FBN3: variants seen among roughly 807,000 people sequenced by gnomAD.
FBN3 encodes fibrillin 3, also known as fibrillin-3.
FBN3 carries 234 observed loss-of-function variants against 330.1 expected under a neutral mutation model. The ratio of observed to expected loss-of-function variants is 0.71; its 90% CI spans 0.64 to 0.79. FBN3 has a LOEUF of 0.79. FBN3 is among the 30% of genes least tolerant of loss of function. FBN3 has a pLI of 0.00. For missense variants in FBN3, 3,606 were observed against 3,886.9 expected (o/e 0.93, Z 1.92); for synonymous variants, 1,458 against 1,517.3 (o/e 0.96, Z 0.91).
intron 47 of FBN3, 124 bp downstream of exon 47, chr19:8,094,322 T>C: frequency 1.0e-6 from 1 of 1,001,704 alleles, no homozygotes; most frequent in Non-Finnish European, 1.4e-6. Context: ...TATGAAGCTG[T>C]GTTTGACGCT....
chr19:8,118,094 T>G (rs1330380742), intron 26 of FBN3, among the ~76,000 whole-genome samples: 1 of 150,740 alleles, frequency 6.6e-6, no homozygotes, highest in East Asian at 2.0e-4. Flanking sequence ...GACACACACA[T>G]AAACACACCC....
At chr19:8,084,407 C>T (rs1038551346) in intron 56 of FBN3, among the ~76,000 whole-genome samples, 1 of 151,874 alleles carries the variant, frequency 6.6e-6, no homozygotes, top group Non-Finnish European at 1.5e-5. Flanking sequence ...CGCGGTGGCT[C>T]ATGCCTGTAA....
At chr19:8,137,073 C>G (rs1318071155) in intron 10 of FBN3, among the ~76,000 whole-genome samples, 8 of 151,432 alleles carry the variant, frequency 5.3e-5, no homozygotes, top group Admixed American at 5.3e-4. Context: ...ATCCCTCCAA[C>G]CTGGGGCCTA....
At chr19:8,105,197 C>G (rs531673179) in intron 38 of FBN3, among the ~76,000 whole-genome samples, 18 of 152,022 alleles carry the variant, frequency 1.2e-4, no homozygotes, top group African/African-American at 4.3e-4. Flanking sequence ...TCGTGATCTG[C>G]CCACCTCGGC....
chr19:8,068,176 G>A (rs1000010403), intron 63 of FBN3, among the ~76,000 whole-genome samples: 4 of 151,680 alleles, frequency 2.6e-5, no homozygotes, highest in African/African-American at 9.7e-5. Flanking sequence ...CACGAGGTCA[G>A]GAGATTGAGA....
At chr19:8,103,712 G>C (rs1568399372) in intron 38 of FBN3, 25 bp from the exon 39 acceptor site, 4 of 1,607,882 alleles carry the variant, frequency 2.5e-6, no homozygotes, top group Non-Finnish European at 2.6e-6. Context: ...GGGGTGGAGG[G>C]GAACAGTGGG....
chr19:8,085,430 G>C lies in FBN3; in HGVS notation c.7020C>G (p.Pro2340=). The C allele has an allele frequency of 1.3e-6, 2 of 1,579,918 alleles. No individual in the cohort carries two copies. The highest frequency in any genetic ancestry group is 3.7e-5 in the Admixed American group (2 of 53,552). Residue 2340 remains proline, a synonymous_variant, in exon 56 of 64, where the codon CCC becomes CCG. Coordinates refer to ENST00000600128, the MANE Select transcript of FBN3 (RefSeq NM_032447.5). The part of the protein sequence containing the change: ...RGWGPRCELC[P]LPGTSAYRKL... ...TCCTGTAGGCAGAGGTGCCGGGCAG[G>C]GGACAGAGCTCGCAGCGGGGCCCCC...
At chr19:8,135,930 GC>G in intron 13 of FBN3, 30 bp downstream of exon 13, 1 of 1,168,708 alleles carries the variant, frequency 8.6e-7, no homozygotes. Context: ...GGGCCCGGAA[GC>G]CCCTGCCCAC....
chr19:8,130,636 GAAA>G (rs750442590), intron 16 of FBN3, among the ~76,000 whole-genome samples: 56 of 3,298 alleles, frequency 0.017, 8 homozygotes, highest in Non-Finnish European at 0.031. Context: ...AAGAAAGAAA[GAAA>G]GAAAGGAAAG....
intron 13 of FBN3, 25 bp downstream of exon 13, chr19:8,135,936 G>GGGGGGGGGCCCCC: frequency 3.0e-6 from 2 of 668,772 alleles, no homozygotes; most frequent in Non-Finnish European, 4.8e-6. Context: ...GGAAGCCCCT[G>GGGGGGGGGCCCCC]CCCACCCGCC....
At chr19:8,105,532 A>T (rs895457706) in intron 38 of FBN3, among the ~76,000 whole-genome samples, 1 of 152,208 alleles carries the variant, frequency 6.6e-6, no homozygotes, top group Non-Finnish European at 1.5e-5. Flanking sequence ...TACTGGGATT[A>T]CCAGCTTGAG....
chr19:8,126,582 G>A lies in FBN3; in HGVS notation c.2440C>T (p.Leu814=), dbSNP rs776946681. 2 of 1,610,424 alleles carry A rather than the reference G, an allele frequency of 1.2e-6. No individual in the cohort carries two copies. Among genetic ancestry groups the A allele is most frequent in the Non-Finnish European group, 8.5e-7 (1 of 1,179,958 alleles). Residue 814 remains leucine (L), a synonymous_variant, in exon 20 of 64, where the codon CTG becomes TTG. Transcript: ENST00000600128. The part of the protein sequence containing the change: ...CLDSTKGTCW[L]KIQESRCEVN... ...TCACAGCGGCTCTCCTGGATCTTCA[G>A]CCAGCAGGTGCCCTTGGTGCTGTCT...
intron 26 of FBN3, among the ~76,000 whole-genome samples, chr19:8,117,877 C>T (rs2082742013): frequency 6.6e-6 from 1 of 152,044 alleles, no homozygotes; most frequent in African/African-American, 2.4e-5. Context: ...CAGACACACA[C>T]AGGCACACTC....
chr19:8,087,100 G>T lies in FBN3; in HGVS notation c.6731C>A (p.Pro2244His), dbSNP rs775946603. 2 of 1,609,830 alleles carry T rather than the reference G, an allele frequency of 1.2e-6. No homozygotes were observed. The highest frequency in any genetic ancestry group is 2.2e-5 in the East Asian group (1 of 44,672). Residue 2244 changes from proline (P) to histidine (H), a missense_variant, in exon 54 of 64, where the codon CCT becomes CAT. Transcript: ENST00000600128. Reference protein sequence around the residue: ...CVCPPGMRPLPGSGEGCTDDN... With the variant: ...CVCPPGMRPLHGSGEGCTDDN... Reference sequence around the variant, plus strand: ...ACCTGTGCAGCCCTCCCCAGAGCCAGGCAGGGGCCGCATGCCTGGGGGACA... The same window carrying T: ...ACCTGTGCAGCCCTCCCCAGAGCCATGCAGGGGCCGCATGCCTGGGGGACA...
rs759920708 is a variant in FBN3, at chr19:8,109,031, G to A, written c.4618+196C>T. Among the ~76,000 whole-genome samples the A allele has an allele frequency of 1.3e-5, 2 of 152,134 alleles. No individual in the cohort carries two copies. The highest frequency in any genetic ancestry group is 2.1e-4 in the South Asian group (1 of 4,834). On this transcript the variant is annotated intron_variant, in intron 36 of 63. Transcript: ENST00000600128. The surrounding 1 kb of genome is among the most constrained non-coding windows in gnomAD (Gnocchi z 5.2). The stretch of plus-strand genomic sequence containing the variant: ...TAAACACAGAGAATTTACAGAAAGC[G>A]ACCTTGGAGAGAGGCCCAGCCAATG...
intron 41 of FBN3, among the ~76,000 whole-genome samples, chr19:8,099,012 T>C (rs943432414): frequency 1.3e-5 from 2 of 152,190 alleles, no homozygotes; most frequent in African/African-American, 4.8e-5. Context: ...GCACAGCAGA[T>C]AGTAACCTGG....
chr19:8,135,936 G>GAGCCCCCCCC, intron 13 of FBN3, 25 bp downstream of exon 13: 1 of 668,778 alleles, frequency 1.5e-6, no homozygotes, highest in Non-Finnish European at 2.4e-6. Flanking sequence ...GGAAGCCCCT[G>GAGCCCCCCCC]CCCACCCGCC....
chr19:8,093,631 T>A (rs2082147081), intron 47 of FBN3, among the ~76,000 whole-genome samples: 1 of 151,398 alleles, frequency 6.6e-6, no homozygotes, highest in African/African-American at 2.4e-5. Flanking sequence ...TCAAAAAAAA[T>A]AAACAATTAG....
intron 13 of FBN3, 54 bp downstream of exon 13, chr19:8,135,907 A>G (rs1599430512): frequency 2.1e-6 from 3 of 1,434,300 alleles, no homozygotes; most frequent in Middle Eastern, 2.4e-4. Flanking sequence ...GTGGCTGTAA[A>G]AGGCAGCTAG....
Sources: allele counts gnomAD v4.1 joint callset (sites outside exome capture counted in the v4.1 genomes callset), GRCh38; gene constraint gnomAD v4.1.1; non-coding constraint Gnocchi (gnomAD v3.1); transcripts MANE v1.5; gene names NCBI Gene and HGNC (gene_info 2026-07-23, HGNC 2026-07-21).